TRABD2B: variants seen among roughly 807,000 people sequenced by gnomAD.
TRABD2B encodes TraB domain containing 2B.
In TRABD2B, 14 loss-of-function variants were observed where a neutral mutation model predicts 40.1. The ratio of observed to expected loss-of-function variants is 0.35; its 90% confidence interval spans 0.23 to 0.55. TRABD2B has a LOEUF of 0.55. TRABD2B is among the 20% of genes least tolerant of loss of function. TRABD2B has a pLI of 0.90. For synonymous variants in TRABD2B, 263 were observed against 277.0 expected (o/e 0.95, Z 0.50); for missense variants, 541 against 648.6 (o/e 0.83, Z 1.80).
rs1645424816 is a variant in TRABD2B at position 47,843,325 on chromosome 1, A to AG, written c.667-41707dup. On this transcript the variant is annotated intron_variant, in intron 2 of 6. Transcript: ENST00000606738. ...CCCTGGTCCAGCGGCTTATGAGAGA[A>AG]GGGGAGAAAGTGAGCAGGGGTGTTC... Among the ~76,000 whole-genome samples, 6 of 152,260 alleles carry AG rather than the reference A, an allele frequency of 3.9e-5. No homozygotes were observed. In the South Asian group the frequency reaches 1.2e-3, roughly 32 times the overall value.
intron 2 of TRABD2B, among the ~76,000 whole-genome samples, chr1:47,879,619 T>C (rs2124619480): frequency 6.6e-6 from 1 of 152,372 alleles, no homozygotes; most frequent in South Asian, 2.1e-4. Context: ...AAGAAAGCAA[T>C]ACATTGACAT....
rs1465233430 is a variant in TRABD2B, at chr1:47,761,596, A to G, written c.*4306T>C. 6.6e-6 allele frequency: 1 copy of G among 152,208 alleles called. No homozygotes were observed. The highest frequency in any genetic ancestry group is 1.5e-5 in the Non-Finnish European group (1 of 68,054). The allele number at this position is 152,208 out of a possible 1,614,324, so 9.4% of individuals were successfully genotyped here. Reference sequence around the variant, plus strand: ...GCTGCTCAGATGAATTTCTGGAAAAATAACAATGTTCATAGAACTTGATCA... The same window carrying G: ...GCTGCTCAGATGAATTTCTGGAAAAGTAACAATGTTCATAGAACTTGATCA... On this transcript the variant is annotated 3_prime_UTR_variant, in exon 7 of 7. Transcript: ENST00000606738.
intron 2 of TRABD2B, among the ~76,000 whole-genome samples, chr1:47,898,252 C>T (rs1043644316): frequency 6.6e-6 from 1 of 152,188 alleles, no homozygotes; most frequent in Non-Finnish European, 1.5e-5. Context: ...CAGTCACAAC[C>T]TCCCCCATTC....
chr1:47,887,193 G>C (rs140398927), intron 2 of TRABD2B, among the ~76,000 whole-genome samples: 2 of 152,162 alleles, frequency 1.3e-5, no homozygotes, highest in Admixed American at 6.5e-5. Flanking sequence ...TCAACAATCA[G>C]GGACAGGCAG....
intron 2 of TRABD2B, among the ~76,000 whole-genome samples, chr1:47,839,611 G>T (rs1035954278): frequency 1.3e-5 from 2 of 152,178 alleles, no homozygotes; most frequent in African/African-American, 4.8e-5. Context: ...ACCTCTGATG[G>T]GAAGGGCAGA....
chr1:47,892,955 G>A (rs775276912), intron 2 of TRABD2B, among the ~76,000 whole-genome samples: 4 of 152,112 alleles, frequency 2.6e-5, no homozygotes, highest in Non-Finnish European at 4.4e-5. Context: ...CAGAGGAATA[G>A]GAAGAGGAAA....
intron 2 of TRABD2B, chr1:47,819,608 C>T (rs902066442): frequency 2.0e-5 from 3 of 152,160 alleles, no homozygotes; most frequent in Non-Finnish European, 2.9e-5. Flanking sequence ...CAAGGACTGT[C>T]GCCCCTTGGT....
chr1:47,945,505 G>T (rs1346835099), intron 2 of TRABD2B, among the ~76,000 whole-genome samples: 2 of 152,172 alleles, frequency 1.3e-5, no homozygotes, highest in Admixed American at 1.3e-4. Flanking sequence ...AACATGTACA[G>T]TCATGTAACC....
rs530477362 is a variant in TRABD2B at position 47,949,038 on chromosome 1, T to A, written c.666+44996A>T. Among the ~76,000 whole-genome samples the A allele has an allele frequency of 2.0e-5, 3 of 152,286 alleles. 1 individual carries two copies. In the South Asian group the frequency reaches 6.2e-4, roughly 32 times the overall value. ...GTTCAAGGGGGTTACGTGACTAACATAAGGGCACACGGGTTGTAAATGTCA... is the reference window on the plus strand; with the variant it reads ...GTTCAAGGGGGTTACGTGACTAACAAAAGGGCACACGGGTTGTAAATGTCA... On this transcript the variant is annotated intron_variant, in intron 2 of 6. Transcript: ENST00000606738.
At chr1:47,868,513 C>T (rs569792005) in intron 2 of TRABD2B, among the ~76,000 whole-genome samples, 4 of 152,232 alleles carry the variant, frequency 2.6e-5, no homozygotes, top group Admixed American at 6.5e-5. Flanking sequence ...CGAGCATTAC[C>T]GCCTGAGCTT....
At chr1:47,931,375 T>C (rs1326898140) in intron 2 of TRABD2B, among the ~76,000 whole-genome samples, 1 of 152,090 alleles carries the variant, frequency 6.6e-6, no homozygotes, top group Non-Finnish European at 1.5e-5. Flanking sequence ...CACCTTATGT[T>C]TTCTCCATCT....
At chr1:47,827,287 C>T (rs969451158) in intron 2 of TRABD2B, among the ~76,000 whole-genome samples, 1 of 152,250 alleles carries the variant, frequency 6.6e-6, no homozygotes, top group South Asian at 2.1e-4. Flanking sequence ...GGGAAATCTG[C>T]AGGCAGTGCC....
chr1:47,778,605 GC>G (rs1410886416), intron 4 of TRABD2B, 61 bp from the exon 5 acceptor site: 1 of 1,252,886 alleles, frequency 8.0e-7, no homozygotes. Context: ...ACAGGGGACT[GC>G]CCCAGGCCAT....
chr1:47,977,700 C>T (rs1645778267), intron 2 of TRABD2B, among the ~76,000 whole-genome samples: 2 of 146,952 alleles, frequency 1.4e-5, no homozygotes, highest in South Asian at 4.3e-4. Flanking sequence ...AAAAAACACA[C>T]AGGAATAAGG....
chr1:47,907,882 A>G (rs1330716055), intron 2 of TRABD2B, among the ~76,000 whole-genome samples: 1 of 152,202 alleles, frequency 6.6e-6, no homozygotes, highest in African/African-American at 2.4e-5. Context: ...AATGTCGTAG[A>G]ACCCACTTGG....
chr1:47,851,429 C>T (rs74712900), intron 2 of TRABD2B, among the ~76,000 whole-genome samples: 1,587 of 152,058 alleles, frequency 0.01, 13 homozygotes, highest in Non-Finnish European at 0.018. Flanking sequence ...TGTGAACCTG[C>T]GGGGTGGTGT....
chr1:47,916,419 G>A (rs562963227), intron 2 of TRABD2B, among the ~76,000 whole-genome samples: 1 of 152,342 alleles, frequency 6.6e-6, no homozygotes, highest in South Asian at 2.1e-4. Flanking sequence ...GAGGGGACCA[G>A]GCGTGGGATG....
At chr1:47,796,754 A>G (rs558653425) in intron 3 of TRABD2B, among the ~76,000 whole-genome samples, 22 of 152,334 alleles carry the variant, frequency 1.4e-4, no homozygotes, top group African/African-American at 3.4e-4. Flanking sequence ...CTAGTGCCCA[A>G]TCAGAGTTGG....
At chr1:47,779,870 C>T (rs556397668) in intron 4 of TRABD2B, among the ~76,000 whole-genome samples, 93 of 152,264 alleles carry the variant, frequency 6.1e-4, no homozygotes, top group Admixed American at 9.8e-4. Flanking sequence ...ATGCTGACAG[C>T]CCCAGGGAGG....
Sources: allele counts gnomAD v4.1 joint callset (sites outside exome capture counted in the v4.1 genomes callset), GRCh38; gene constraint gnomAD v4.1.1; transcripts MANE v1.5; gene names NCBI Gene and HGNC (gene_info 2026-07-23, HGNC 2026-07-21).